Variants in USP16 observed in about 807,000 individuals in gnomAD.
USP16 encodes ubiquitin carboxyl-terminal hydrolase 16.
Under a neutral mutation model 95.9 loss-of-function variants are expected in USP16, and 77 were observed. The ratio of observed to expected loss-of-function variants is 0.80; its 90% CI spans 0.67 to 0.97. The LOEUF (loss-of-function observed/expected upper bound fraction) is 0.97, where lower values mean the gene tolerates loss of function less well. Ranked by LOEUF, USP16 falls within the 50% of genes least tolerant of loss-of-function variation. USP16 has a pLI of 0.00. For synonymous variants in USP16, 303 were observed against 318.2 expected, an observed-to-expected ratio of 0.95 and a Z score of 0.51; for missense variants, 943 against 959.9, an observed-to-expected ratio of 0.98 and a Z score of 0.23.
At chr21:29,048,048 CGTGTGTGTGTGTGTGT>C (rs67919060) in intron 14 of USP16, among the ~76,000 whole-genome samples, 90 of 123,792 alleles carry the variant, frequency 7.3e-4, no homozygotes, top group Admixed American at 1.7e-3. Context: ...AGAGACGATA[CGTGTGTGTGTGTGTGT>C]GTGTGTGTGT....
At position 29,038,403 on chromosome 21, in the gene USP16, A is replaced by G; in HGVS notation, c.705A>G (p.Lys235=). 1 of 1,612,966 alleles carries G rather than the reference A, an allele frequency of 6.2e-7. No homozygotes were observed. Among genetic ancestry groups the G allele is most frequent in the Non-Finnish European group, 8.5e-7 (1 of 1,179,244 alleles). Residue 235 remains lysine (K), a synonymous_variant, in exon 7 of 18, where the codon AAA becomes AAG. Transcript: ENST00000399976. ...KEVKMSGTIV[K]IEPPDLALTE... ...TGAAAATGTCTGGAACAATTGTAAAAATTGAACCACCTGATTTGGCATTAA... is the reference window on the plus strand; with the variant it reads ...TGAAAATGTCTGGAACAATTGTAAAGATTGAACCACCTGATTTGGCATTAA...
rs753415484 is a variant in USP16 at position 29,037,397 on chromosome 21, T to G, written c.570T>G (p.Pro190=). The G allele has an allele frequency of 5.6e-6, 9 of 1,610,166 alleles. No homozygotes were observed. In the South Asian group the frequency reaches 1.0e-4, roughly 18 times the overall value. The change falls in exon 6 of 18, where the codon CCT becomes CCG. Residue 190 remains proline, a synonymous_variant. Coordinates refer to ENST00000399976, the MANE Select transcript of USP16 (RefSeq NM_006447.3). The part of the protein sequence containing the change: ...MAKENPPMNS[P]CQITVKGLSN... ...AAGAGAATCCTCCCATGAATTCTCC[T>G]TGCCAAATAACCGTGAAAGGACTCA...
At chr21:29,027,111 A>G (rs1271594574) in intron 1 of USP16, among the ~76,000 whole-genome samples, 1 of 152,232 alleles carries the variant, frequency 6.6e-6, no homozygotes, top group East Asian at 1.9e-4. Flanking sequence ...TCTAAAATCT[A>G]TAATTCTATA....
intron 10 of USP16, among the ~76,000 whole-genome samples, chr21:29,041,562 A>G (rs1167198973): frequency 6.6e-6 from 1 of 152,190 alleles, no homozygotes; most frequent in South Asian, 2.1e-4. Flanking sequence ...AGAGTTCACA[A>G]AACAAGTTAC....
intron 16 of USP16, among the ~76,000 whole-genome samples, chr21:29,050,525 T>C (rs1403733893): frequency 6.6e-6 from 1 of 152,246 alleles, no homozygotes; most frequent in East Asian, 1.9e-4. Flanking sequence ...TAACCCAGCA[T>C]GTTGGTGGTT....
rs538985499 is a variant in USP16, at chr21:29,024,731, G to A, written c.-88G>A. On this transcript the variant is annotated 5_prime_UTR_variant, in exon 1 of 18. Transcript: ENST00000399976. The stretch of plus-strand genomic sequence containing the variant: ...GGAGGAAGACGGAGCTGGCTGCCCA[G>A]CCCAAAGGCCCATGAGGGGATGCAG... 1.3e-5 allele frequency: 17 copies of A among 1,289,370 alleles called. No homozygotes were observed. In the African/African-American group the frequency reaches 2.1e-4, roughly 16 times the overall value. 79.9% of individuals were successfully genotyped at this position (1,289,370 alleles called of 1,614,324 possible). A position where few individuals can be genotyped will look rare whatever the true frequency, so the allele number is the denominator to read the frequency against.
At position 29,054,294 on chromosome 21, in the gene USP16, A is replaced by T. The variant is rs1478734579; in HGVS notation, c.*107A>T. The T allele has an allele frequency of 3.1e-6, 4 of 1,298,484 alleles. No homozygotes were observed. The African/African-American group carries it at 6.0e-5, about 19-fold the overall frequency. The allele number at this position is 1,298,484 out of a possible 1,614,324, so 80.4% of individuals were successfully genotyped here. ...ATCATGTTCACTTAACATTAAATAC[A>T]TGCCAGAAGAAATCATGTTTATTTA... On this transcript the variant is annotated 3_prime_UTR_variant, in exon 18 of 18. Coordinates refer to ENST00000399976, the MANE Select transcript of USP16 (RefSeq NM_006447.3).
chr21:29,048,870 C>T lies in USP16; in HGVS notation c.2106+15C>T. On this transcript the variant is annotated intron_variant, in intron 15 of 17. Transcript: ENST00000399976. Reference sequence around the variant, plus strand: ...GATTTCAGCAGGTACTCCTTGTTACCCAAAATTTGTTTTAAATATGTAACA... The same window carrying T: ...GATTTCAGCAGGTACTCCTTGTTACTCAAAATTTGTTTTAAATATGTAACA... 1 of 1,601,512 alleles carries T rather than the reference C, an allele frequency of 6.2e-7. No individual in the cohort carries two copies. The highest frequency in any genetic ancestry group is 8.5e-7 in the Non-Finnish European group (1 of 1,172,032).
chr21:29,051,667 C>G (rs1184908265), intron 16 of USP16, among the ~76,000 whole-genome samples: 2 of 152,122 alleles, frequency 1.3e-5, no homozygotes, highest in Non-Finnish European at 2.9e-5. Flanking sequence ...CCTGTCTCTA[C>G]TGAAAATACA....
At chr21:29,030,444 C>G in intron 2 of USP16, 151 bp from the exon 3 acceptor site, 1 of 673,012 alleles carries the variant, frequency 1.5e-6, no homozygotes, top group Non-Finnish European at 2.2e-6. Context: ...TCATATTATT[C>G]AAATATCAAA....
chr21:29,048,368 C>T lies in USP16; in HGVS notation c.2012-393C>T, dbSNP rs190576609. 2.3e-3 allele frequency among the ~76,000 whole-genome samples: 346 copies of T among 152,238 alleles called. 1 individual carries two copies. Among genetic ancestry groups the T allele is most frequent in the African/African-American group, 7.9e-3 (329 of 41,546 alleles). On this transcript the variant is annotated intron_variant, in intron 14 of 17. Transcript: ENST00000399976. ...AAAGTCCTGGGATTACAGCGTGAGC[C>T]ATCGCACCCAGCCTAAAAAATATTT...
chr21:29,050,555 T>G (rs2085398466), intron 16 of USP16, among the ~76,000 whole-genome samples: 1 of 152,188 alleles, frequency 6.6e-6, no homozygotes, highest in African/African-American at 2.4e-5. Context: ...CTTTGTAAAG[T>G]AAACCATGCC....
At position 29,053,699 on chromosome 21, in the gene USP16, A is replaced by G. The variant is rs148908368; in HGVS notation, c.2194-103A>G. ...CTCATGAATGATTTCTGCACTCTCA[A>G]AGTAATGGTTAAAGACCCTTTGCAT... On this transcript the variant is annotated intron_variant, in intron 16 of 17. Coordinates refer to ENST00000399976, the MANE Select transcript of USP16 (RefSeq NM_006447.3). 240 of 1,207,908 alleles carry G rather than the reference A, an allele frequency of 2.0e-4. No individual in the cohort carries two copies. The African/African-American group carries it at 3.4e-3, about 17-fold the overall frequency. 74.8% of individuals were successfully genotyped at this position (1,207,908 alleles called of 1,614,324 possible).
chr21:29,036,525 A>G, intron 5 of USP16, 151 bp downstream of exon 5: 1 of 696,938 alleles, frequency 1.4e-6, no homozygotes, highest in South Asian at 1.9e-5. Context: ...GTTTAACTAT[A>G]AGGTATTAGA....
At chr21:29,039,254 A>G (rs2085208370) in intron 8 of USP16, 98 bp downstream of exon 8, 3 of 1,191,318 alleles carry the variant, frequency 2.5e-6, no homozygotes, top group Non-Finnish European at 3.2e-6. Context: ...TAATAGCATT[A>G]CATTTAGTCA....
In USP16 at chr21:29,054,396, C is replaced by A; in HGVS notation, c.*209C>A. On this transcript the variant is annotated 3_prime_UTR_variant, in exon 18 of 18. Coordinates refer to ENST00000399976, the MANE Select transcript of USP16 (RefSeq NM_006447.3). ...AGTGGTTTTTATTCCTGCTTTGTTT[C>A]TGGAAAGGAAATCCTGAATTACTTA... The A allele has an allele frequency of 1.5e-6, 1 of 650,896 alleles. No homozygotes were observed. Among genetic ancestry groups the A allele is most frequent in the Non-Finnish European group, 2.4e-6 (1 of 409,254 alleles). The allele number at this position is 650,896 out of a possible 1,614,324, so 40.3% of individuals were successfully genotyped here.
intron 13 of USP16, among the ~76,000 whole-genome samples, chr21:29,044,765 T>C (rs1358114389): frequency 6.6e-6 from 1 of 152,118 alleles, no homozygotes; most frequent in Non-Finnish European, 1.5e-5. Flanking sequence ...CTTTCTTTCT[T>C]TCTTTCTTTT....
intron 2 of USP16, among the ~76,000 whole-genome samples, chr21:29,029,949 A>C (rs1490235370): frequency 1.3e-5 from 2 of 152,212 alleles, no homozygotes; most frequent in African/African-American, 4.8e-5. Context: ...TAATGTATTC[A>C]AAACATTTAA....
At chr21:29,050,656 G>C (rs2085399606) in intron 16 of USP16, among the ~76,000 whole-genome samples, 2 of 152,200 alleles carry the variant, frequency 1.3e-5, no homozygotes, top group South Asian at 4.1e-4. Flanking sequence ...AAAAACAGCA[G>C]TGTAAAATAG....
Sources: gnomAD v4.1 joint callset for allele counts (sites outside exome capture counted in the v4.1 genomes callset) on GRCh38, gnomAD v4.1.1 for gene constraint, MANE v1.5 for transcripts, NCBI Gene and HGNC (gene_info 2026-07-23, HGNC 2026-07-21) for gene names.